Variants in XKR6 observed in about 807,000 individuals in gnomAD.
XKR6 encodes XK-related protein 6.
Under a neutral mutation model 56.7 loss-of-function variants are expected in XKR6, and 22 were observed. The ratio of observed to expected loss-of-function variants is 0.39; its 90% CI spans 0.28 to 0.55. The LOEUF (loss-of-function observed/expected upper bound fraction) is 0.55. Ranked by LOEUF, XKR6 falls within the 20% of genes least tolerant of loss-of-function variation. The pLI, the probability that XKR6 is intolerant of heterozygous loss-of-function variation, is 0.66. For missense variants in XKR6, 852 were observed against 889.0 expected (o/e 0.96, Z 0.53); for synonymous variants, 524 against 387.8 (o/e 1.35, Z -4.13).
intron 1 of XKR6, among the ~76,000 whole-genome samples, chr8:11,177,793 G>GC (rs893174973): frequency 6.6e-6 from 1 of 152,208 alleles, no homozygotes; most frequent in Admixed American, 6.5e-5. Context: ...CCCTGCTCAC[G>GC]CATTGACTGC....
chr8:11,030,047 C>A (rs923456292), intron 1 of XKR6, among the ~76,000 whole-genome samples: 1 of 152,148 alleles, frequency 6.6e-6, no homozygotes, highest in East Asian at 1.9e-4. Context: ...CCTACTGCTG[C>A]TTGGATAAAG....
chr8:10,910,227 A>G (rs1347095979), intron 2 of XKR6, among the ~76,000 whole-genome samples: 1 of 152,184 alleles, frequency 6.6e-6, no homozygotes, highest in East Asian at 1.9e-4. Context: ...CTTGGCCCCA[A>G]ATATAATCGC....
At chr8:10,921,037 C>A (rs1800693301) in intron 2 of XKR6, among the ~76,000 whole-genome samples, 1 of 152,264 alleles carries the variant, frequency 6.6e-6, no homozygotes, top group South Asian at 2.1e-4. Context: ...CACTGGGTCA[C>A]TCCCAGCTCC....
intron 1 of XKR6, among the ~76,000 whole-genome samples, chr8:11,097,935 C>T (rs376256723): frequency 2.0e-5 from 3 of 150,996 alleles, no homozygotes; most frequent in African/African-American, 7.3e-5. Flanking sequence ...TGAGAATTCA[C>T]GTGGAAGTCA....
chr8:11,101,639 C>G (rs551138312), intron 1 of XKR6, among the ~76,000 whole-genome samples: 106 of 152,300 alleles, frequency 7.0e-4, no homozygotes, highest in Middle Eastern at 3.4e-3. Flanking sequence ...TTTCCCCCTC[C>G]TTGGTGGAAA....
intron 1 of XKR6, among the ~76,000 whole-genome samples, chr8:11,189,030 C>G (rs1232343039): frequency 2.0e-5 from 3 of 152,168 alleles, no homozygotes; most frequent in African/African-American, 7.2e-5. Context: ...GGCTGTTCTC[C>G]CCACGAATCT....
intron 1 of XKR6, among the ~76,000 whole-genome samples, chr8:11,099,706 T>C (rs1195525150): frequency 1.3e-5 from 2 of 152,236 alleles, no homozygotes; most frequent in Non-Finnish European, 2.9e-5. Flanking sequence ...CGCATTGTTC[T>C]AGGTCTTGAA....
intron 1 of XKR6, among the ~76,000 whole-genome samples, chr8:10,956,045 G>T (rs1013418272): frequency 3.3e-5 from 5 of 152,196 alleles, no homozygotes; most frequent in Admixed American, 2.0e-4. Flanking sequence ...AAAGGAAGAA[G>T]GCTGAGCCCT....
Position 11,078,871 on chromosome 8 carries a change from G to C in XKR6, c.764+121705C>G, listed in dbSNP as rs373473071. Among the ~76,000 whole-genome samples, 15 of 152,320 alleles carry C rather than the reference G, an allele frequency of 9.8e-5. No individual in the cohort carries two copies. In the East Asian group the frequency reaches 1.5e-3, roughly 16 times the overall value. On this transcript the variant is annotated intron_variant, in intron 1 of 2. Coordinates refer to ENST00000416569, the MANE Select transcript of XKR6 (RefSeq NM_173683.4). ...CCCATGGCAAGCAAGGCCTCCCAAG[G>C]GGGGCCAGAGGCCTCATCCTCATGA...
intron 1 of XKR6, among the ~76,000 whole-genome samples, chr8:10,927,873 C>A (rs1800941745): frequency 6.6e-6 from 1 of 152,152 alleles, no homozygotes; most frequent in Non-Finnish European, 1.5e-5. Context: ...CACTAGAGTC[C>A]AGGCAAAACC....
intron 1 of XKR6, among the ~76,000 whole-genome samples, chr8:11,117,363 G>T (rs919767246): frequency 2.0e-5 from 3 of 152,072 alleles, no homozygotes; most frequent in African/African-American, 7.2e-5. Context: ...AATTTCTGTG[G>T]GAGTCCTGCA....
intron 1 of XKR6, among the ~76,000 whole-genome samples, chr8:11,014,200 G>GC (rs1798564961): frequency 6.6e-6 from 1 of 152,136 alleles, no homozygotes; most frequent in African/African-American, 2.4e-5. Context: ...TATTTTCAGA[G>GC]CCCCTAAGCA....
At chr8:11,126,039 AG>A (rs1448943493) in intron 1 of XKR6, 1 of 150,724 alleles carries the variant, frequency 6.6e-6, no homozygotes, top group African/African-American at 2.4e-5. Flanking sequence ...ATACTTTGGC[AG>A]TTTTTTTTTG....
chr8:10,948,736 C>T (rs937051383), intron 1 of XKR6, among the ~76,000 whole-genome samples: 25 of 152,214 alleles, frequency 1.6e-4, no homozygotes, highest in African/African-American at 3.9e-4. Context: ...ACTCCCACCC[C>T]GGCGTGTAGC....
rs530035637 is a variant in XKR6 at position 11,138,865 on chromosome 8, G to A, written c.764+61711C>T. On this transcript the variant is annotated intron_variant, in intron 1 of 2. Transcript: ENST00000416569. ...AAACTATATAAAACAAATAACTTATGTTCCAAAGCCAGAATATTTTTACAA... is the reference window on the plus strand; with the variant it reads ...AAACTATATAAAACAAATAACTTATATTCCAAAGCCAGAATATTTTTACAA... Among the ~76,000 whole-genome samples, 12 of 151,162 alleles carry A rather than the reference G, an allele frequency of 7.9e-5. No homozygotes were observed. The South Asian group carries it at 1.3e-3, about 16-fold the overall frequency.
intron 1 of XKR6, among the ~76,000 whole-genome samples, chr8:11,013,555 C>A (rs1318893147): frequency 1.3e-5 from 2 of 152,298 alleles, no homozygotes; most frequent in African/African-American, 4.8e-5. Flanking sequence ...TTTGTTGCCA[C>A]AAATTCATTG....
At chr8:11,183,461 G>A (rs1335282732) in intron 1 of XKR6, among the ~76,000 whole-genome samples, 3 of 150,870 alleles carry the variant, frequency 2.0e-5, no homozygotes, top group African/African-American at 4.9e-5. Context: ...ACAGGCATGC[G>A]CCACCACACC....
intron 1 of XKR6, among the ~76,000 whole-genome samples, chr8:11,073,873 T>G (rs896827957): frequency 1.3e-5 from 2 of 152,002 alleles, no homozygotes; most frequent in African/African-American, 4.8e-5. Context: ...TCTGGGCAGG[T>G]GACCCAGGGC....
At chr8:11,190,841 ACTT>A (rs1471064236) in intron 1 of XKR6, among the ~76,000 whole-genome samples, 1 of 152,202 alleles carries the variant, frequency 6.6e-6, no homozygotes, top group Admixed American at 6.5e-5. Flanking sequence ...CTTTAAGCTC[ACTT>A]CTTCATCTGT....
Sources: allele counts gnomAD v4.1 joint callset (sites outside exome capture counted in the v4.1 genomes callset), GRCh38; gene constraint gnomAD v4.1.1; transcripts MANE v1.5; gene names NCBI Gene and HGNC (gene_info 2026-07-23, HGNC 2026-07-21).